Variants in EHF observed in about 807,000 individuals in gnomAD.
EHF encodes ESE3 transcription factor.
EHF carries 14 observed loss-of-function variants against 45.1 expected under a neutral mutation model. The observed-to-expected ratio is 0.31, with a 90% CI of 0.21 to 0.49. EHF has a LOEUF of 0.49. Among genes scored for constraint, EHF ranks in the 20% least tolerant of loss-of-function variants. The pLI is 0.99. For missense variants in EHF, 282 were observed against 371.4 expected, an observed-to-expected ratio of 0.76 and a Z score of 1.98; for synonymous variants, 136 against 131.8, an observed-to-expected ratio of 1.03 and a Z score of -0.22.
chr11:34,662,435 G>A lies in EHF; in HGVS notation c.*3504G>A, dbSNP rs745933740. Among the ~76,000 whole-genome samples the A allele has an allele frequency of 2.6e-4, 39 of 152,038 alleles. No individual in the cohort carries two copies. Among genetic ancestry groups the A allele is most frequent in the Non-Finnish European group, 4.3e-4 (29 of 67,990 alleles). ...ATTCTGTTGCCTTATTGGGAACTGT[G>A]AGACTTATCTGGTATGAGAAGCCAG... On this transcript the variant is annotated 3_prime_UTR_variant, in exon 9 of 9. Transcript: ENST00000257831.
chr11:34,644,078 C>A (rs895767473), intron 2 of EHF, among the ~76,000 whole-genome samples: 1 of 152,152 alleles, frequency 6.6e-6, no homozygotes, highest in Admixed American at 6.5e-5. Flanking sequence ...GATGCGGAAT[C>A]TCCCCAGTCA....
chr11:34,622,459 T>A, intron 1 of EHF: 1 of 1,237,722 alleles, frequency 8.1e-7, no homozygotes. Context: ...AAAGGGCAAT[T>A]AGAGATTCTG....
intron 1 of EHF, among the ~76,000 whole-genome samples, chr11:34,635,969 A>T (rs986451146): frequency 1.3e-5 from 2 of 152,138 alleles, no homozygotes; most frequent in African/African-American, 4.8e-5. Flanking sequence ...TCTACACAGC[A>T]GCTCTCGGAA....
intron 1 of EHF, among the ~76,000 whole-genome samples, chr11:34,632,909 T>C (rs2134020196): frequency 6.6e-6 from 1 of 152,348 alleles, no homozygotes; most frequent in Non-Finnish European, 1.5e-5. Flanking sequence ...ACAGAGGGTC[T>C]GAGACAATAT....
chr11:34,626,543 GCTGA>G (rs1289889501), intron 1 of EHF, among the ~76,000 whole-genome samples: 3 of 152,152 alleles, frequency 2.0e-5, no homozygotes, highest in Non-Finnish European at 4.4e-5. Flanking sequence ...TAGTCATGAG[GCTGA>G]CTAATGATAA....
chr11:34,644,529 G>A (rs1389768321), intron 2 of EHF, among the ~76,000 whole-genome samples: 2 of 152,226 alleles, frequency 1.3e-5, no homozygotes, highest in Admixed American at 6.5e-5. Flanking sequence ...GAGGTACGAG[G>A]AGCTAAGTGC....
chr11:34,631,529 A>G, intron 1 of EHF: 5 of 977,074 alleles, frequency 5.1e-6, no homozygotes, highest in Non-Finnish European at 6.1e-6. Flanking sequence ...GGATTAGGAC[A>G]GAAATCACAT....
At chr11:34,656,759 T>C in intron 6 of EHF, 149 bp from the exon 7 acceptor site, 2 of 768,914 alleles carry the variant, frequency 2.6e-6, no homozygotes, top group South Asian at 3.9e-5. Context: ...ATTTATCATC[T>C]CTGTTTTGTT....
chr11:34,639,824 C>A (rs1032959295), intron 1 of EHF, among the ~76,000 whole-genome samples: 1 of 152,178 alleles, frequency 6.6e-6, no homozygotes, highest in Non-Finnish European at 1.5e-5. Context: ...TATGCACAGG[C>A]CATCTTTTTG....
At chr11:34,655,417 G>C (rs146199716) in intron 6 of EHF, among the ~76,000 whole-genome samples, 118 of 152,240 alleles carry the variant, frequency 7.8e-4, no homozygotes, top group Non-Finnish European at 1.6e-3. Context: ...CCTGATTCTT[G>C]GCAAGAAAGG....
chr11:34,661,869 A>C lies in EHF; in HGVS notation c.*2938A>C, dbSNP rs979717226. On this transcript the variant is annotated 3_prime_UTR_variant, in exon 9 of 9. Coordinates refer to ENST00000257831, the MANE Select transcript of EHF (RefSeq NM_012153.6). ...AAGGGCTCTCTCTTATTAGGTTTTC[A>C]TGGGAACATGAGGCAGCAAATCTAT... Among the ~76,000 whole-genome samples the C allele has an allele frequency of 1.3e-5, 2 of 152,114 alleles. No homozygotes were observed. The highest frequency in any genetic ancestry group is 2.9e-5 in the Non-Finnish European group (2 of 68,002).
Position 34,658,957 on chromosome 11 carries a change from C to A in EHF, c.*26C>A, listed in dbSNP as rs762906845. On this transcript the variant is annotated 3_prime_UTR_variant, in exon 9 of 9. Transcript: ENST00000257831. ...AGCTGCCAATACTTTGGACACAAAC[C>A]AAAACACACACCAAATAATCAGAAA... 36 of 1,520,480 alleles carry A rather than the reference C, an allele frequency of 2.4e-5. No individual in the cohort carries two copies. In the Middle Eastern group the frequency reaches 1.7e-3, roughly 73 times the overall value. The allele number at this position is 1,520,480 out of a possible 1,614,324, so 94.2% of individuals were successfully genotyped here.
At chr11:34,644,199 C>T (rs1854295767) in intron 2 of EHF, among the ~76,000 whole-genome samples, 1 of 152,130 alleles carries the variant, frequency 6.6e-6, no homozygotes, top group African/African-American at 2.4e-5. Flanking sequence ...TCTAGATGTG[C>T]TGTTAGGTTA....
chr11:34,631,674 G>A (rs953360198), intron 1 of EHF: 6 of 617,872 alleles, frequency 9.7e-6, no homozygotes, highest in Admixed American at 6.3e-5. Flanking sequence ...ACTGTGGTCC[G>A]GGAACCAGGG....
At chr11:34,646,123 G>A (rs1008192487) in intron 2 of EHF, among the ~76,000 whole-genome samples, 4 of 151,342 alleles carry the variant, frequency 2.6e-5, no homozygotes, top group East Asian at 1.9e-4. Context: ...GGAAGAGAAC[G>A]ATTTGGGTAT....
intron 1 of EHF, among the ~76,000 whole-genome samples, chr11:34,637,908 T>C (rs1853603198): frequency 6.6e-6 from 1 of 151,866 alleles, no homozygotes; most frequent in East Asian, 1.9e-4. Context: ...CCTTTTTTTT[T>C]TTTTCCTTTT....
intron 1 of EHF, among the ~76,000 whole-genome samples, chr11:34,629,295 G>A (rs569140207): frequency 2.0e-4 from 30 of 152,262 alleles, no homozygotes; most frequent in African/African-American, 7.2e-4. Flanking sequence ...CAATACTGGT[G>A]GGTTTTTCAT....
At chr11:34,658,759 AGGCTG>A in intron 8 of EHF, 31 bp downstream of exon 8, 1 of 1,609,270 alleles carries the variant, frequency 6.2e-7, no homozygotes, top group Admixed American at 1.7e-5. Flanking sequence ...GAAAACAAAA[AGGCTG>A]TACGACCCAT....
At chr11:34,638,109 C>T (rs1853629803) in intron 1 of EHF, among the ~76,000 whole-genome samples, 1 of 152,088 alleles carries the variant, frequency 6.6e-6, no homozygotes, top group Non-Finnish European at 1.5e-5. Flanking sequence ...ACCATGTTGG[C>T]CAGGCTGGTC....
Sources: gnomAD v4.1 joint callset for allele counts (sites outside exome capture counted in the v4.1 genomes callset) on GRCh38, gnomAD v4.1.1 for gene constraint, MANE v1.5 for transcripts, NCBI Gene and HGNC (gene_info 2026-07-23, HGNC 2026-07-21) for gene names.